ARL15: variants seen among roughly 807,000 people sequenced by gnomAD.
ARL15 encodes ARF like GTPase 15.
ARL15 carries 19 observed loss-of-function variants against 25.2 expected under a neutral mutation model. The ratio of observed to expected loss-of-function variants is 0.75; its 90% CI spans 0.53 to 1.10. The LOEUF (loss-of-function observed/expected upper bound fraction) is 1.10. ARL15 is among the 50% of genes least tolerant of loss of function. The pLI, the probability that ARL15 is intolerant of heterozygous loss-of-function variation, is 0.00. For missense variants in ARL15, 220 were observed against 246.0 expected, an observed-to-expected ratio of 0.89 and a Z score of 0.71; for synonymous variants, 94 against 86.8, an observed-to-expected ratio of 1.08 and a Z score of -0.46.
intron 2 of ARL15, among the ~76,000 whole-genome samples, chr5:54,161,748 A>C (rs1003206164): frequency 6.6e-6 from 1 of 152,066 alleles, no homozygotes; most frequent in African/African-American, 2.4e-5. Context: ...TTTTATATTT[A>C]TCTTAATTTT....
chr5:53,964,422 T>C (rs954590328), intron 4 of ARL15, among the ~76,000 whole-genome samples: 42 of 152,216 alleles, frequency 2.8e-4, no homozygotes, highest in East Asian at 1.4e-3. Context: ...TGCAGTGGCG[T>C]GATCTCGGCT....
intron 1 of ARL15, among the ~76,000 whole-genome samples, chr5:54,238,522 C>T (rs1756868374): frequency 6.6e-6 from 1 of 152,070 alleles, no homozygotes; most frequent in Non-Finnish European, 1.5e-5. Flanking sequence ...TGTATCACTC[C>T]GCCAGAGAAT....
intron 4 of ARL15, among the ~76,000 whole-genome samples, chr5:54,037,921 T>C (rs1213483071): frequency 2.0e-5 from 3 of 152,144 alleles, no homozygotes; most frequent in African/African-American, 4.8e-5. Context: ...GCAAACATTA[T>C]GGACCTTTCA....
At chr5:54,216,419 G>A (rs1294701414) in intron 1 of ARL15, among the ~76,000 whole-genome samples, 6 of 152,032 alleles carry the variant, frequency 3.9e-5, no homozygotes, top group Non-Finnish European at 8.8e-5. Context: ...GGCTTATATT[G>A]TCTATCAGTA....
intron 1 of ARL15, among the ~76,000 whole-genome samples, chr5:54,213,552 ACT>A (rs1756101890): frequency 6.6e-6 from 1 of 152,176 alleles, no homozygotes; most frequent in East Asian, 1.9e-4. Flanking sequence ...CAAATGAATA[ACT>A]CTTTTAGCAG....
At chr5:53,959,199 A>C (rs1343308190) in intron 4 of ARL15, among the ~76,000 whole-genome samples, 1 of 152,252 alleles carries the variant, frequency 6.6e-6, no homozygotes, top group Non-Finnish European at 1.5e-5. Flanking sequence ...GGTAAAAATT[A>C]TTACAATTTT....
chr5:54,253,903 A>G (rs1192870763), intron 1 of ARL15, among the ~76,000 whole-genome samples: 1 of 152,176 alleles, frequency 6.6e-6, no homozygotes, highest in African/African-American at 2.4e-5. Context: ...ATGATACATT[A>G]TAAGTACCTA....
At chr5:54,222,332 C>T (rs1353960920) in intron 1 of ARL15, among the ~76,000 whole-genome samples, 1 of 152,144 alleles carries the variant, frequency 6.6e-6, no homozygotes. Flanking sequence ...AAGGAGCCCC[C>T]CAAAACCTTC....
intron 4 of ARL15, among the ~76,000 whole-genome samples, chr5:54,000,895 C>T (rs1041708500): frequency 3.3e-5 from 5 of 152,136 alleles, no homozygotes; most frequent in African/African-American, 1.2e-4. Flanking sequence ...AGTGTGTGAG[C>T]CACTGTGCAG....
chr5:53,942,433 G>A (rs949603402), intron 4 of ARL15, among the ~76,000 whole-genome samples: 7 of 152,102 alleles, frequency 4.6e-5, no homozygotes, highest in South Asian at 2.1e-4. Context: ...CAGTTTATAG[G>A]CATCATTGGT....
rs1751593927 is a variant in ARL15, at chr5:54,076,140, G to A, written c.462+37062C>T. On this transcript the variant is annotated intron_variant, in intron 4 of 4. Transcript: ENST00000504924. ...TAAGAAATCAGGATAATATAGGCCAGGCGCGGTGGCTCACGGCTGTAATCC... is the reference window on the plus strand; with the variant it reads ...TAAGAAATCAGGATAATATAGGCCAAGCGCGGTGGCTCACGGCTGTAATCC... Among the ~76,000 whole-genome samples, 3 of 152,280 alleles carry A rather than the reference G, an allele frequency of 2.0e-5. 1 individual carries two copies. In the South Asian group the frequency reaches 6.2e-4, roughly 32 times the overall value.
intron 1 of ARL15, among the ~76,000 whole-genome samples, chr5:54,193,069 G>C (rs1333609930): frequency 6.6e-6 from 1 of 152,120 alleles, no homozygotes; most frequent in Admixed American, 6.6e-5. Flanking sequence ...TCCTGCTCTG[G>C]AGAGCCAAAC....
intron 1 of ARL15, among the ~76,000 whole-genome samples, chr5:54,285,873 C>T (rs1758166660): frequency 6.6e-6 from 1 of 152,108 alleles, no homozygotes; most frequent in African/African-American, 2.4e-5. Flanking sequence ...AGTGACGACC[C>T]GTTCCAAGGT....
At chr5:54,250,425 T>C (rs1268406989) in intron 1 of ARL15, among the ~76,000 whole-genome samples, 3 of 152,072 alleles carry the variant, frequency 2.0e-5, no homozygotes, top group African/African-American at 7.2e-5. Context: ...GCTGACAGAA[T>C]TGGAGAACAG....
In ARL15 at chr5:53,965,301, T is replaced by C. The variant is rs770908105; in HGVS notation, c.463-78588A>G. Among the ~76,000 whole-genome samples the C allele has an allele frequency of 2.0e-5, 3 of 152,214 alleles. No individual in the cohort carries two copies. In the South Asian group the frequency reaches 6.2e-4, roughly 31 times the overall value. On this transcript the variant is annotated intron_variant, in intron 4 of 4. Transcript: ENST00000504924. ...AGGACAAAATTTATTCATGGTATTT[T>C]GGTGGAAGAAGATAAGTGGAAGGCT...
At chr5:53,891,937 AAAC>A (rs781180966) in intron 4 of ARL15, among the ~76,000 whole-genome samples, 3 of 152,218 alleles carry the variant, frequency 2.0e-5, no homozygotes, top group South Asian at 2.1e-4. Flanking sequence ...ACTGAAAACA[AAAC>A]AACAACAGCA....
chr5:54,043,485 A>T (rs1209558494), intron 4 of ARL15, among the ~76,000 whole-genome samples: 1 of 152,012 alleles, frequency 6.6e-6, no homozygotes, highest in East Asian at 1.9e-4. Context: ...TTCCAGCAAC[A>T]TTTTTCACAA....
intron 1 of ARL15, among the ~76,000 whole-genome samples, chr5:54,199,213 A>T (rs1269043551): frequency 6.6e-6 from 1 of 152,182 alleles, no homozygotes; most frequent in African/African-American, 2.4e-5. Flanking sequence ...AACCTAGGCA[A>T]TACTATTCAG....
chr5:54,024,472 A>T (rs1749719037), intron 4 of ARL15, among the ~76,000 whole-genome samples: 1 of 152,194 alleles, frequency 6.6e-6, no homozygotes, highest in Non-Finnish European at 1.5e-5. Flanking sequence ...ACTTAGTAAA[A>T]AGACACAATT....
Sources: allele counts gnomAD v4.1 joint callset (sites outside exome capture counted in the v4.1 genomes callset), GRCh38; gene constraint gnomAD v4.1.1; transcripts MANE v1.5; gene names NCBI Gene and HGNC (gene_info 2026-07-23, HGNC 2026-07-21).